The following POLR3G variants were observed in gnomAD, a reference collection of about 807,000 sequenced individuals.
POLR3G encodes the protein RNA polymerase III subunit G.
In POLR3G, 28 loss-of-function variants were observed where a neutral mutation model predicts 30.1. The observed-to-expected ratio is 0.93, with a 90% CI of 0.69 to 1.27. The LOEUF is 1.27. Among genes scored for constraint, POLR3G ranks in the 50% most tolerant of loss-of-function variants. POLR3G has a pLI of 0.00. For missense variants in POLR3G, 254 were observed against 264.6 expected, an observed-to-expected ratio of 0.96 and a Z score of 0.28; for synonymous variants, 79 against 82.5, an observed-to-expected ratio of 0.96 and a Z score of 0.23.
At chr5:90,490,206 G>A (rs1481740510) in intron 3 of POLR3G, among the ~76,000 whole-genome samples, 1 of 151,502 alleles carries the variant, frequency 6.6e-6, no homozygotes, top group African/African-American at 2.4e-5. Context: ...GGAGTGGTTG[G>A]CTAGTACTTG....
intron 7 of POLR3G, among the ~76,000 whole-genome samples, chr5:90,509,717 G>C (rs1279070941): frequency 6.6e-6 from 1 of 152,180 alleles, no homozygotes; most frequent in Non-Finnish European, 1.5e-5. Flanking sequence ...TGGGAGTGTA[G>C]CTTCTTAATT....
Position 90,512,061 on chromosome 5 carries a change from C to A in POLR3G, c.594C>A (p.Asp198Glu). ...YDEEEQEEENDYINSYFEDGD... is the reference protein window; with the variant it reads ...YDEEEQEEENEYINSYFEDGD... ...TATATCATTTCACTTAGGAAAATGA[C>A]TACATTAATTCATACTTTGAAGATG... is the stretch of plus-strand genomic sequence containing the variant. The change falls in exon 8 of 8, where the codon GAC becomes GAA. Residue 198 changes from aspartate to glutamate, a missense_variant. Physicochemically the swap from Asp to Glu is conservative, Grantham distance 45. Transcript: ENST00000651687. 1 of 1,595,396 alleles carries A rather than the reference C, an allele frequency of 6.3e-7. No individual in the cohort carries two copies. Among genetic ancestry groups the A allele is most frequent in the Non-Finnish European group, 8.6e-7 (1 of 1,163,324 alleles).
At chr5:90,511,948 G>T in intron 7 of POLR3G, 105 bp from the exon 8 acceptor site, 1 of 744,066 alleles carries the variant, frequency 1.3e-6, no homozygotes, top group South Asian at 1.7e-5. Flanking sequence ...AGTGAAAACT[G>T]TTGTGTTTTT....
At chr5:90,479,646 A>G (rs1751026910) in intron 1 of POLR3G, among the ~76,000 whole-genome samples, 1 of 152,064 alleles carries the variant, frequency 6.6e-6, no homozygotes, top group Non-Finnish European at 1.5e-5. Context: ...GATCTTTCCA[A>G]GAGCAATGTG....
intron 1 of POLR3G, among the ~76,000 whole-genome samples, chr5:90,482,678 CA>C (rs1486201550): frequency 1.4e-4 from 22 of 152,296 alleles, no homozygotes; most frequent in East Asian, 5.8e-4. Context: ...CTTGATGGAT[CA>C]GGGGGCACTA....
At position 90,513,997 on chromosome 5, in the gene POLR3G, A is replaced by AGAT. The variant is rs1752851330; in HGVS notation, c.*1859_*1861dup. The stretch of plus-strand genomic sequence containing the variant: ...CACTTGAACCAGGCAAATACACTGA[A>AGAT]GATAAAGGTTATTTCTTTTTTTAGC... On this transcript the variant is annotated 3_prime_UTR_variant, in exon 8 of 8. Transcript: ENST00000651687. 6.6e-6 allele frequency: 1 copy of AGAT among 152,142 alleles called. No homozygotes were observed. Among genetic ancestry groups the AGAT allele is most frequent in the African/African-American group, 2.4e-5 (1 of 41,412 alleles). The allele number at this position is 152,142 out of a possible 1,614,324, so 9.4% of individuals were successfully genotyped here.
At chr5:90,507,415 T>C (rs1207301825) in intron 7 of POLR3G, among the ~76,000 whole-genome samples, 1 of 152,240 alleles carries the variant, frequency 6.6e-6, no homozygotes, top group East Asian at 1.9e-4. Flanking sequence ...TATTTTGCAT[T>C]AAATTTGGTA....
intron 5 of POLR3G, among the ~76,000 whole-genome samples, chr5:90,499,275 G>A (rs1040093852): frequency 1.6e-4 from 25 of 152,228 alleles, no homozygotes; most frequent in African/African-American, 5.5e-4. Flanking sequence ...GGCTGGTAGA[G>A]GAGATTGAAT....
intron 1 of POLR3G, among the ~76,000 whole-genome samples, chr5:90,483,472 C>G (rs1751251583): frequency 6.6e-6 from 1 of 152,122 alleles, no homozygotes; most frequent in African/African-American, 2.4e-5. Context: ...GCTTCTGGGG[C>G]CTTAAATGTA....
At chr5:90,494,699 C>A (rs1421691749) in intron 3 of POLR3G, among the ~76,000 whole-genome samples, 1 of 151,990 alleles carries the variant, frequency 6.6e-6, no homozygotes, top group Non-Finnish European at 1.5e-5. Flanking sequence ...AGAGAATTGT[C>A]TATTCAAATC....
At chr5:90,510,390 A>G (rs1003919695) in intron 7 of POLR3G, among the ~76,000 whole-genome samples, 2 of 152,194 alleles carry the variant, frequency 1.3e-5, no homozygotes, top group African/African-American at 2.4e-5. Context: ...AAGAAAAAAA[A>G]AAAAGATTAC....
chr5:90,504,378 G>A (rs988689310), intron 6 of POLR3G, among the ~76,000 whole-genome samples: 3 of 151,686 alleles, frequency 2.0e-5, no homozygotes, highest in Non-Finnish European at 4.4e-5. Flanking sequence ...GGCTAACACA[G>A]TGAAACCCCA....
intron 5 of POLR3G, among the ~76,000 whole-genome samples, chr5:90,499,889 C>T (rs965232788): frequency 4.6e-5 from 7 of 151,602 alleles, no homozygotes; most frequent in African/African-American, 1.5e-4. Flanking sequence ...TCTTTTATAC[C>T]GTTGGTTTTT....
intron 1 of POLR3G, among the ~76,000 whole-genome samples, chr5:90,480,060 T>C (rs1228980020): frequency 4.6e-5 from 7 of 152,230 alleles, no homozygotes; most frequent in Admixed American, 4.6e-4. Flanking sequence ...GATTGATCAG[T>C]GCTCTCTGGC....
intron 3 of POLR3G, among the ~76,000 whole-genome samples, chr5:90,489,071 C>A (rs922630428): frequency 2.0e-5 from 3 of 152,116 alleles, no homozygotes; most frequent in African/African-American, 7.2e-5. Flanking sequence ...AAAATGCATT[C>A]CATTTTTCCT....
In POLR3G at chr5:90,512,318, T is replaced by A; in HGVS notation, c.*179T>A. 3.7e-6 allele frequency: 2 copies of A among 542,736 alleles called. No individual in the cohort carries two copies. The allele number at this position is 542,736 out of a possible 1,614,324, so 33.6% of individuals were successfully genotyped here. Reference sequence around the variant, plus strand: ...ACATACTAGTTACCTTAAAAATTATTCCCTGACACTCTGACATTCCTTCTA... The same window carrying A: ...ACATACTAGTTACCTTAAAAATTATACCCTGACACTCTGACATTCCTTCTA... On this transcript the variant is annotated 3_prime_UTR_variant, in exon 8 of 8. Transcript: ENST00000651687.
intron 2 of POLR3G, among the ~76,000 whole-genome samples, chr5:90,487,534 G>C (rs1371914897): frequency 6.6e-6 from 1 of 151,598 alleles, no homozygotes; most frequent in Non-Finnish European, 1.5e-5. Flanking sequence ...TGGGAATACA[G>C]GTGCCCGCCA....
chr5:90,475,239 T>C (rs1290371082), intron 1 of POLR3G, among the ~76,000 whole-genome samples: 2 of 152,162 alleles, frequency 1.3e-5, no homozygotes, highest in Non-Finnish European at 2.9e-5. Flanking sequence ...TCTCTACTCC[T>C]AGGACTGTTT....
intron 2 of POLR3G, among the ~76,000 whole-genome samples, chr5:90,487,482 C>T (rs1751503357): frequency 6.7e-6 from 1 of 148,178 alleles, no homozygotes; most frequent in South Asian, 2.1e-4. Context: ...AGCTCCGCCT[C>T]CCGGGTTCAC....
Sources: allele counts gnomAD v4.1 joint callset (sites outside exome capture counted in the v4.1 genomes callset), GRCh38; gene constraint gnomAD v4.1.1; transcripts MANE v1.5; gene names NCBI Gene and HGNC (gene_info 2026-07-23, HGNC 2026-07-21).